The following SLAIN2 variants were observed in gnomAD, a reference collection of about 807,000 sequenced individuals.
SLAIN2 encodes SLAIN family member 2.
In SLAIN2, 31 loss-of-function variants were observed where a neutral mutation model predicts 56.6. That is an observed-to-expected ratio of 0.55 (90% confidence interval 0.41 to 0.74). The LOEUF (loss-of-function observed/expected upper bound fraction) is 0.74, where lower values mean the gene tolerates loss of function less well. Ranked by LOEUF, SLAIN2 falls within the 30% of genes least tolerant of loss-of-function variation. The pLI is 0.00. For synonymous variants in SLAIN2, 317 were observed against 284.9 expected, an observed-to-expected ratio of 1.11 and a Z score of -1.13; for missense variants, 777 against 754.2, an observed-to-expected ratio of 1.03 and a Z score of -0.35.
intron 1 of SLAIN2, among the ~76,000 whole-genome samples, chr4:48,353,516 A>AAATAACC (rs1715074837): frequency 1.3e-5 from 2 of 152,178 alleles, no homozygotes; most frequent in South Asian, 4.1e-4. Context: ...ATAACTATGA[A>AAATAACC]CAAAGAATCC....
In SLAIN2 at chr4:48,424,429, T is replaced by G. The variant is rs1717246765; in HGVS notation, c.*2352T>G. On this transcript the variant is annotated 3_prime_UTR_variant, in exon 8 of 8. Transcript: ENST00000264313. ...TATATAGTAGTAAGGGTTTTATGAA[T>G]GTTGATTATTTTGTGCCAACAGCCC... The G allele has an allele frequency of 6.6e-6, 1 of 152,156 alleles. No individual in the cohort carries two copies. Among genetic ancestry groups the G allele is most frequent in the African/African-American group, 2.4e-5 (1 of 41,460 alleles). The allele number at this position is 152,156 out of a possible 1,614,324, so 9.4% of individuals were successfully genotyped here. A position where few individuals can be genotyped will look rare whatever the true frequency, so the allele number is the denominator to read the frequency against.
At chr4:48,371,672 G>A (rs1715666672) in intron 2 of SLAIN2, among the ~76,000 whole-genome samples, 1 of 151,994 alleles carries the variant, frequency 6.6e-6, no homozygotes, top group Non-Finnish European at 1.5e-5. Context: ...TATTCCTAGA[G>A]GGCTAGGTAG....
chr4:48,418,924 T>C (rs1345180783), intron 6 of SLAIN2, among the ~76,000 whole-genome samples: 1 of 152,210 alleles, frequency 6.6e-6, no homozygotes, highest in Non-Finnish European at 1.5e-5. Context: ...ATTTTTGATA[T>C]TCATCTTTGT....
chr4:48,342,477 T>TA (rs1280984511), intron 1 of SLAIN2, among the ~76,000 whole-genome samples: 1 of 152,164 alleles, frequency 6.6e-6, no homozygotes, highest in African/African-American at 2.4e-5. Context: ...TTGTGTAAGA[T>TA]ACTGGCTTTC....
intron 1 of SLAIN2, among the ~76,000 whole-genome samples, chr4:48,348,452 C>T (rs1437086514): frequency 2.6e-5 from 4 of 152,086 alleles, no homozygotes; most frequent in Non-Finnish European, 4.4e-5. Context: ...CTTTGAGAGG[C>T]CAAGGCAGAC....
At chr4:48,348,745 A>T (rs1191795966) in intron 1 of SLAIN2, among the ~76,000 whole-genome samples, 1 of 151,364 alleles carries the variant, frequency 6.6e-6, no homozygotes, top group Admixed American at 6.6e-5. Flanking sequence ...CTTAAGTGTG[A>T]GGAGATATTT....
Position 48,422,195 on chromosome 4 carries a change from C to T in SLAIN2, c.*118C>T. The T allele has an allele frequency of 1.3e-6, 1 of 747,088 alleles. No individual in the cohort carries two copies. Among genetic ancestry groups the T allele is most frequent in the Non-Finnish European group, 2.2e-6 (1 of 447,434 alleles). The allele number at this position is 747,088 out of a possible 1,614,324, so 46.3% of individuals were successfully genotyped here. Reference sequence around the variant, plus strand: ...ACTCTTGGGATTTATAAAATCCCAGCCCTCTCTGTCTTAATTAGCACAAAC... The same window carrying T: ...ACTCTTGGGATTTATAAAATCCCAGTCCTCTCTGTCTTAATTAGCACAAAC... On this transcript the variant is annotated 3_prime_UTR_variant, in exon 8 of 8. Transcript: ENST00000264313.
At chr4:48,391,857 A>G (rs1338347570) in intron 6 of SLAIN2, among the ~76,000 whole-genome samples, 1 of 152,226 alleles carries the variant, frequency 6.6e-6, no homozygotes, top group Non-Finnish European at 1.5e-5. Flanking sequence ...TTTAACAGAA[A>G]AGAGATTTTT....
chr4:48,418,896 CTCATT>C (rs1352349074), intron 6 of SLAIN2, among the ~76,000 whole-genome samples: 1 of 152,190 alleles, frequency 6.6e-6, no homozygotes, highest in African/African-American at 2.4e-5. Flanking sequence ...GTGTCTGGCA[CTCATT>C]TCATTCAGCA....
At chr4:48,357,986 A>G (rs1214105209) in intron 1 of SLAIN2, among the ~76,000 whole-genome samples, 1 of 152,218 alleles carries the variant, frequency 6.6e-6, no homozygotes, top group Non-Finnish European at 1.5e-5. Context: ...GGTGTGAGCC[A>G]CCACGCCTGG....
intron 6 of SLAIN2, among the ~76,000 whole-genome samples, chr4:48,384,711 T>C (rs2109764533): frequency 6.6e-6 from 1 of 152,326 alleles, no homozygotes; most frequent in East Asian, 1.9e-4. Context: ...TATTCAACTA[T>C]TATTTGTAAT....
intron 2 of SLAIN2, among the ~76,000 whole-genome samples, chr4:48,376,456 G>GA (rs143849551): frequency 3.1e-4 from 40 of 127,556 alleles, no homozygotes; most frequent in South Asian, 5.1e-4. Context: ...TTGTCTCAGA[G>GA]AAAAAAAAAA....
At chr4:48,382,461 C>A in intron 4 of SLAIN2, 107 bp from the exon 5 acceptor site, 1 of 1,202,500 alleles carries the variant, frequency 8.3e-7, no homozygotes, top group Non-Finnish European at 1.1e-6. Flanking sequence ...TTCTTTTACA[C>A]TTTACACCCT....
At chr4:48,410,240 G>A (rs1261109607) in intron 6 of SLAIN2, among the ~76,000 whole-genome samples, 1 of 150,924 alleles carries the variant, frequency 6.6e-6, no homozygotes, top group African/African-American at 2.4e-5. Context: ...ATCTTCTTTG[G>A]AGAAATGTCT....
intron 6 of SLAIN2, among the ~76,000 whole-genome samples, chr4:48,386,011 G>A (rs1716089837): frequency 6.7e-6 from 1 of 150,324 alleles, no homozygotes; most frequent in African/African-American, 2.4e-5. Flanking sequence ...AAGAGGCTGA[G>A]GTGGGAGGAT....
intron 6 of SLAIN2, among the ~76,000 whole-genome samples, chr4:48,387,661 G>A (rs984380869): frequency 6.6e-6 from 1 of 151,842 alleles, no homozygotes; most frequent in Non-Finnish European, 1.5e-5. Flanking sequence ...TATTTGGAAA[G>A]TAGGAAATTC....
chr4:48,360,781 C>T (rs1054195614), intron 1 of SLAIN2, among the ~76,000 whole-genome samples: 6 of 152,164 alleles, frequency 3.9e-5, no homozygotes, highest in Non-Finnish European at 7.4e-5. Flanking sequence ...CTCTCCACCC[C>T]CTCATCTATC....
intron 1 of SLAIN2, among the ~76,000 whole-genome samples, chr4:48,352,800 A>G (rs1715045421): frequency 6.6e-6 from 1 of 152,192 alleles, no homozygotes; most frequent in Admixed American, 6.5e-5. Flanking sequence ...AGTGCTTGAT[A>G]TGGTTTGGCT....
intron 6 of SLAIN2, among the ~76,000 whole-genome samples, chr4:48,385,366 G>A (rs1392492856): frequency 6.6e-6 from 1 of 152,188 alleles, no homozygotes; most frequent in African/African-American, 2.4e-5. Context: ...GAGACACAAA[G>A]GGTGCATATT....
Sources: gnomAD v4.1 joint callset for allele counts (sites outside exome capture counted in the v4.1 genomes callset) on GRCh38, gnomAD v4.1.1 for gene constraint, MANE v1.5 for transcripts, NCBI Gene and HGNC (gene_info 2026-07-23, HGNC 2026-07-21) for gene names.